HS6ST2: variants seen among roughly 807,000 people sequenced by gnomAD.
HS6ST2 encodes heparan sulfate 6-O-sulfotransferase 2, also known as heparan-sulfate 6-O-sulfotransferase 2.
A neutral mutation model predicts 33.0 loss-of-function variants in HS6ST2; 17 were observed. The ratio of observed to expected loss-of-function variants is 0.52; its 90% CI spans 0.35 to 0.77. HS6ST2 has a LOEUF of 0.77. Among genes scored for constraint, HS6ST2 ranks in the 30% least tolerant of loss-of-function variants. The pLI is 0.01. For missense variants in HS6ST2, 519 were observed against 551.7 expected (o/e 0.94, Z 0.59); for synonymous variants, 248 against 237.1 (o/e 1.05, Z -0.42).
At chrX:132,672,825 G>C (rs969034201) in intron 3 of HS6ST2, among the ~76,000 whole-genome samples, 1 of 112,369 alleles carries the variant, frequency 8.9e-6, no homozygotes, top group Non-Finnish European at 1.9e-5. Context: ...TGAATGATTT[G>C]ATGCTGAAAT....
At chrX:132,767,469 A>G (rs766541112) in intron 2 of HS6ST2, among the ~76,000 whole-genome samples, 8 of 112,285 alleles carry the variant, frequency 7.1e-5, no homozygotes, top group African/African-American at 2.3e-4. Flanking sequence ...GTCAAATGGG[A>G]ATAGTAATAA....
At chrX:132,851,525 G>A (rs1224613249) in intron 2 of HS6ST2, among the ~76,000 whole-genome samples, 1 of 112,500 alleles carries the variant, frequency 8.9e-6, no homozygotes, top group African/African-American at 3.2e-5. Context: ...CTAACACATA[G>A]CAAGAACTTA....
chrX:132,908,587 G>A (rs1168020505), intron 2 of HS6ST2, among the ~76,000 whole-genome samples: 1 of 112,186 alleles, frequency 8.9e-6, no homozygotes, highest in East Asian at 2.8e-4. Flanking sequence ...ATTGCTGCTT[G>A]ATGCTACAAC....
chrX:132,924,687 G>A (rs751992198), intron 2 of HS6ST2, among the ~76,000 whole-genome samples: 4 of 111,100 alleles, frequency 3.6e-5, no homozygotes, highest in South Asian at 3.9e-4. Context: ...AAGGGAGAGG[G>A]GTTTAAGATT....
At chrX:132,675,700 T>G (rs893172693) in intron 3 of HS6ST2, among the ~76,000 whole-genome samples, 1 of 112,066 alleles carries the variant, frequency 8.9e-6, no homozygotes, top group Non-Finnish European at 1.9e-5. Context: ...AGAAGGACAC[T>G]CTGGCAAATG....
intron 2 of HS6ST2, among the ~76,000 whole-genome samples, chrX:132,722,348 T>C: frequency 8.9e-6 from 1 of 111,970 alleles, no homozygotes; most frequent in South Asian, 3.7e-4. Context: ...TTTATAAGAC[T>C]ATTTTGTGAT....
intron 2 of HS6ST2, among the ~76,000 whole-genome samples, chrX:132,798,743 G>A (rs770711660): frequency 1.2e-4 from 13 of 111,872 alleles, no homozygotes; most frequent in Non-Finnish European, 2.1e-4. Flanking sequence ...CAAGTTCAAG[G>A]TGGAAAAGAC....
At chrX:132,780,692 G>C (rs2065010005) in intron 2 of HS6ST2, among the ~76,000 whole-genome samples, 1 of 111,424 alleles carries the variant, frequency 9.0e-6, no homozygotes, top group Non-Finnish European at 1.9e-5. Context: ...GTTGTTGTGA[G>C]AATGACATGA....
At chrX:132,756,845 G>GTT (rs2064760434) in intron 2 of HS6ST2, among the ~76,000 whole-genome samples, 1 of 109,920 alleles carries the variant, frequency 9.1e-6, no homozygotes, top group Non-Finnish European at 1.9e-5. Flanking sequence ...GTGTGTGTGT[G>GTT]TGTGTGTGTG....
At chrX:132,659,260 C>G (rs1427206738) in intron 4 of HS6ST2, among the ~76,000 whole-genome samples, 1 of 112,324 alleles carries the variant, frequency 8.9e-6, no homozygotes, top group Non-Finnish European at 1.9e-5. Context: ...GTTCAGTCAT[C>G]AGTGAGCTGA....
intron 2 of HS6ST2, among the ~76,000 whole-genome samples, chrX:132,768,646 T>C (rs1420346583): frequency 1.8e-5 from 2 of 112,272 alleles, no homozygotes; most frequent in Non-Finnish European, 3.8e-5. Flanking sequence ...CTGAGAATTC[T>C]TCCACTGGAG....
At chrX:132,757,699 G>T (rs1057506686) in intron 2 of HS6ST2, among the ~76,000 whole-genome samples, 5 of 111,722 alleles carry the variant, frequency 4.5e-5, no homozygotes, top group African/African-American at 1.6e-4. Context: ...GATTTAGGCA[G>T]TGCTTTAGTG....
At chrX:132,644,856 GC>G (rs2063628950) in intron 4 of HS6ST2, among the ~76,000 whole-genome samples, 1 of 111,457 alleles carries the variant, frequency 9.0e-6, no homozygotes, top group African/African-American at 3.3e-5. Flanking sequence ...TCTGGCTGGT[GC>G]AGTGCCTCAG....
chrX:132,860,203 T>C (rs985972084), intron 2 of HS6ST2, among the ~76,000 whole-genome samples: 6 of 112,302 alleles, frequency 5.3e-5, no homozygotes, highest in Admixed American at 4.7e-4. Context: ...ATGCTGTCCC[T>C]AGTAATGGGC....
At chrX:132,847,147 A>G (rs1026699887) in intron 2 of HS6ST2, among the ~76,000 whole-genome samples, 4 of 97,207 alleles carry the variant, frequency 4.1e-5, no homozygotes, top group Admixed American at 2.4e-4. Context: ...GGAATAAGCA[A>G]AAGATCCTGA....
intron 2 of HS6ST2, among the ~76,000 whole-genome samples, chrX:132,927,415 T>C (rs183262167): frequency 2.1e-3 from 233 of 111,857 alleles, no homozygotes; most frequent in Middle Eastern, 0.014. Context: ...TCCCAATGCC[T>C]TCTCACTGCT....
At chrX:132,936,448 A>G (rs765843163) in intron 2 of HS6ST2, among the ~76,000 whole-genome samples, 38 of 111,964 alleles carry the variant, frequency 3.4e-4, no homozygotes, top group African/African-American at 1.2e-3. Flanking sequence ...AAAAATAGAA[A>G]AGGAGAAAAT....
At chrX:132,793,970 C>G (rs1417355388) in intron 2 of HS6ST2, among the ~76,000 whole-genome samples, 2 of 112,738 alleles carry the variant, frequency 1.8e-5, no homozygotes, top group African/African-American at 6.4e-5. Flanking sequence ...CACCACTCTG[C>G]CATTTGTAAA....
intron 2 of HS6ST2, among the ~76,000 whole-genome samples, chrX:132,860,697 C>T (rs1185913760): frequency 9.2e-6 from 1 of 108,572 alleles, no homozygotes; most frequent in East Asian, 2.9e-4. Context: ...AAAATAAAAA[C>T]AAGTCCCATG....
Sources: gnomAD v4.1 joint callset for allele counts (sites outside exome capture counted in the v4.1 genomes callset) on GRCh38, gnomAD v4.1.1 for gene constraint, MANE v1.5 for transcripts, NCBI Gene and HGNC (gene_info 2026-07-23, HGNC 2026-07-21) for gene names.